The following DGKB variants were observed in gnomAD, a reference collection of about 807,000 sequenced individuals.
DGKB encodes 90 kDa diacylglycerol kinase.
A neutral mutation model predicts 114.3 loss-of-function variants in DGKB; 67 were observed. The observed-to-expected ratio is 0.59, with a 90% CI of 0.48 to 0.72. The LOEUF is 0.72. Ranked by LOEUF, DGKB falls within the 30% of genes least tolerant of loss-of-function variation. The pLI, the probability that DGKB is intolerant of heterozygous loss-of-function variation, is 0.00. For missense variants in DGKB, 907 were observed against 975.2 expected, an observed-to-expected ratio of 0.93 and a Z score of 0.93; for synonymous variants, 398 against 323.1, an observed-to-expected ratio of 1.23 and a Z score of -2.49.
intron 25 of DGKB, among the ~76,000 whole-genome samples, chr7:14,172,658 G>A (rs1781178746): frequency 6.6e-6 from 1 of 152,064 alleles, no homozygotes; most frequent in African/African-American, 2.4e-5. Flanking sequence ...GATATGGGGA[G>A]GCAAATGATG....
chr7:14,517,499 G>T (rs1323396358), intron 20 of DGKB, among the ~76,000 whole-genome samples: 1 of 151,584 alleles, frequency 6.6e-6, no homozygotes, highest in African/African-American at 2.4e-5. Flanking sequence ...CTTCTGCACA[G>T]CAAAAGAAAC....
chr7:14,797,590 T>A (rs774130347), intron 2 of DGKB, among the ~76,000 whole-genome samples: 7 of 152,118 alleles, frequency 4.6e-5, no homozygotes, highest in Non-Finnish European at 1.0e-4. Context: ...CAGAAAGTTA[T>A]AACTTAGAGT....
chr7:14,712,758 G>T (rs1364573807), intron 6 of DGKB, among the ~76,000 whole-genome samples: 1 of 151,838 alleles, frequency 6.6e-6, no homozygotes, highest in Non-Finnish European at 1.5e-5. Context: ...AAGTTGTTTG[G>T]CCTGGTGAGC....
intron 23 of DGKB, among the ~76,000 whole-genome samples, chr7:14,220,460 A>T (rs933283993): frequency 1.3e-5 from 2 of 151,440 alleles, no homozygotes; most frequent in East Asian, 1.9e-4. Flanking sequence ...TGGACTCCCA[A>T]TTCTATGCTA....
intron 23 of DGKB, among the ~76,000 whole-genome samples, chr7:14,265,318 C>CTTTTTTTTCTTTTT (rs1797333159): frequency 1.5e-5 from 1 of 67,752 alleles, no homozygotes. Context: ...CTCTTGCATT[C>CTTTTTTTTCTTTTT]TTTTTTTTTT....
At chr7:14,311,510 C>A (rs1805389864) in intron 23 of DGKB, among the ~76,000 whole-genome samples, 1 of 152,142 alleles carries the variant, frequency 6.6e-6, no homozygotes, top group South Asian at 2.1e-4. Context: ...CAGCCTCCAC[C>A]TCCCTGGGCT....
intron 23 of DGKB, among the ~76,000 whole-genome samples, chr7:14,277,355 G>A (rs990843203): frequency 6.6e-6 from 1 of 151,262 alleles, no homozygotes; most frequent in Non-Finnish European, 1.5e-5. Flanking sequence ...TTCTTTTTTT[G>A]TAGAGACAGT....
At chr7:14,238,217 T>A (rs1418784865) in intron 23 of DGKB, among the ~76,000 whole-genome samples, 1 of 152,024 alleles carries the variant, frequency 6.6e-6, no homozygotes, top group Non-Finnish European at 1.5e-5. Flanking sequence ...GGAAGGTGAT[T>A]GGATCACGGG....
In DGKB at chr7:14,956,564, G is replaced by T. The variant is rs1007350047; in HGVS notation, c.-188+18132C>A. 3.4e-4 allele frequency among the ~76,000 whole-genome samples: 51 copies of T among 151,976 alleles called. 2 individuals carry two copies. Among genetic ancestry groups the T allele is most frequent in the Admixed American group, 3.0e-3 (46 of 15,218 alleles). ...CTGCTAATTAATTTCCTTTAACCAA[G>T]AATTCATACACATTCTATTAGTATC... On this transcript the variant is annotated intron_variant, in intron 1 of 4. Coordinates refer to the DGKB transcript ENST00000437998.
intron 19 of DGKB, among the ~76,000 whole-genome samples, chr7:14,574,720 A>C (rs1037587168): frequency 6.6e-6 from 1 of 152,170 alleles, no homozygotes; most frequent in Non-Finnish European, 1.5e-5. Context: ...TGGGCAGCTG[A>C]CTTCACAAAG....
intron 19 of DGKB, among the ~76,000 whole-genome samples, chr7:14,575,086 C>A (rs1284264552): frequency 6.6e-6 from 1 of 152,184 alleles, no homozygotes; most frequent in Non-Finnish European, 1.5e-5. Context: ...GATTGCACCA[C>A]TGTATCCCAG....
At chr7:14,532,763 A>G (rs1267737640) in intron 20 of DGKB, among the ~76,000 whole-genome samples, 1 of 151,686 alleles carries the variant, frequency 6.6e-6, no homozygotes, top group Non-Finnish European at 1.5e-5. Flanking sequence ...AGTCCTAAAC[A>G]TTATCAAGCA....
At chr7:14,349,991 C>T (rs373952378) in intron 21 of DGKB, among the ~76,000 whole-genome samples, 1 of 152,076 alleles carries the variant, frequency 6.6e-6, no homozygotes, top group East Asian at 1.9e-4. Context: ...GTAAACCTCA[C>T]AAAAGTTATT....
rs975430827 is a variant in DGKB at position 14,148,118 on chromosome 7, C to T, written c.*1013G>A. The stretch of plus-strand genomic sequence containing the variant: ...TAAATGACTGAAAAAAGCAAGAAAT[C>T]ATCTATTGAGCTTTGATTGTGTTGT... On this transcript the variant is annotated 3_prime_UTR_variant, in exon 26 of 26. Coordinates refer to ENST00000402815, the MANE Select transcript of DGKB (RefSeq NM_001350709.2). 1 of 152,288 alleles carries T rather than the reference C, an allele frequency of 6.6e-6. No individual in the cohort carries two copies. The highest frequency in any genetic ancestry group is 2.4e-5 in the African/African-American group (1 of 41,400). 9.4% of individuals were successfully genotyped at this position (152,288 alleles called of 1,614,324 possible).
At chr7:14,846,971 A>G (rs1475005620) in intron 1 of DGKB, among the ~76,000 whole-genome samples, 4 of 152,222 alleles carry the variant, frequency 2.6e-5, no homozygotes, top group South Asian at 2.1e-4. Flanking sequence ...CATGACTTCA[A>G]TAATTGAAGA....
intron 1 of DGKB, among the ~76,000 whole-genome samples, chr7:14,947,211 C>T (rs1785933872): frequency 6.6e-6 from 1 of 151,498 alleles, no homozygotes; most frequent in Non-Finnish European, 1.5e-5. Flanking sequence ...TATGTTTAAA[C>T]CTAAAAAGTA....
chr7:14,486,127 A>T (rs1483118775), intron 20 of DGKB, among the ~76,000 whole-genome samples: 1 of 152,122 alleles, frequency 6.6e-6, no homozygotes, highest in African/African-American at 2.4e-5. Context: ...ATTATGTTGC[A>T]GAGGGCAGTG....
intron 17 of DGKB, among the ~76,000 whole-genome samples, chr7:14,602,052 AT>A (rs1803646977): frequency 6.6e-6 from 1 of 151,884 alleles, no homozygotes; most frequent in Non-Finnish European, 1.5e-5. Context: ...GTTTTTAGGA[AT>A]TTGTTACATT....
rs569693945 is a variant in DGKB, at chr7:14,705,195, G to A, written c.467-3465C>T. 5.2e-3 allele frequency among the ~76,000 whole-genome samples: 788 copies of A among 152,170 alleles called. 11 individuals carry two copies. Among genetic ancestry groups the A allele is most frequent in the Non-Finnish European group, 3.9e-3 (267 of 68,026 alleles). ...ATGCAGAAGCCTCAGGAGCCGATGCGATCAACTGGAAAAAGGGTGTCAGCA... is the reference window on the plus strand; with the variant it reads ...ATGCAGAAGCCTCAGGAGCCGATGCAATCAACTGGAAAAAGGGTGTCAGCA... On this transcript the variant is annotated intron_variant, in intron 6 of 25. Transcript: ENST00000402815.
Sources: allele counts gnomAD v4.1 joint callset (sites outside exome capture counted in the v4.1 genomes callset), GRCh38; gene constraint gnomAD v4.1.1; transcripts MANE v1.5; gene names NCBI Gene and HGNC (gene_info 2026-07-23, HGNC 2026-07-21).